TEAD4: variants seen among roughly 807,000 people sequenced by gnomAD.
TEAD4 encodes the protein TEA domain transcription factor 4.
A neutral mutation model predicts 52.4 loss-of-function variants in TEAD4; 36 were observed. The ratio of observed to expected loss-of-function variants is 0.69; its 90% confidence interval spans 0.53 to 0.91. The LOEUF (loss-of-function observed/expected upper bound fraction) is 0.91, where lower values mean the gene tolerates loss of function less well. TEAD4 is among the 40% of genes least tolerant of loss of function. TEAD4 has a pLI of 0.00. For missense variants in TEAD4, 508 were observed against 583.9 expected (o/e 0.87, Z 1.34); for synonymous variants, 220 against 231.0 (o/e 0.95, Z 0.43).
chr12:3,040,302 G>C lies in TEAD4; in HGVS notation c.1191+43G>C, dbSNP rs763877935. 3.1e-6 allele frequency: 5 copies of C among 1,613,966 alleles called. No homozygotes were observed. The Admixed American group carries it at 8.3e-5, about 27-fold the overall frequency. ...CGGGTGTGGCTGGAGTCTGTGTGTG[G>C]GTAGCAGCCATGGCATGCCCCTTCT... On this transcript the variant is annotated intron_variant, in intron 12 of 12. Transcript: ENST00000359864.
Position 3,020,781 on chromosome 12 carries a change from C to T in TEAD4, c.723+8C>T. The T allele has an allele frequency of 6.3e-7, 1 of 1,581,354 alleles. No homozygotes were observed. The highest frequency in any genetic ancestry group is 8.6e-7 in the Non-Finnish European group (1 of 1,162,542). ...CAGCAGGACCCGGACACGGTAGGTCCTGGCCTCTGCCTGTCCAGCTCCCTG... is the reference window on the plus strand; with the variant it reads ...CAGCAGGACCCGGACACGGTAGGTCTTGGCCTCTGCCTGTCCAGCTCCCTG... On this transcript the variant is annotated splice_region_variant and intron_variant, in intron 9 of 12. Transcript: ENST00000359864.
intron 2 of TEAD4, among the ~76,000 whole-genome samples, chr12:2,967,961 A>G (rs2098221766): frequency 6.6e-6 from 1 of 152,154 alleles, no homozygotes; most frequent in Admixed American, 6.6e-5. Context: ...CCCTCTGGCC[A>G]CATTGGAAGC....
intron 10 of TEAD4, among the ~76,000 whole-genome samples, chr12:3,026,337 A>G (rs2098272074): frequency 6.6e-6 from 1 of 152,224 alleles, no homozygotes; most frequent in Non-Finnish European, 1.5e-5. Context: ...TGCATATCAC[A>G]CAAACCCCAA....
chr12:2,971,155 G>A (rs929965235), intron 2 of TEAD4, among the ~76,000 whole-genome samples: 67 of 152,328 alleles, frequency 4.4e-4, no homozygotes, highest in African/African-American at 1.6e-3. Flanking sequence ...GCAGGGAAAT[G>A]GACTGTGAAG....
chr12:2,995,564 G>A (rs1168671546), intron 3 of TEAD4, among the ~76,000 whole-genome samples: 1 of 152,216 alleles, frequency 6.6e-6, no homozygotes, highest in Non-Finnish European at 1.5e-5. Flanking sequence ...CCCCAACCCA[G>A]CAGAGGGTCA....
chr12:3,020,055 A>G (rs984676065), intron 8 of TEAD4, among the ~76,000 whole-genome samples: 1 of 152,056 alleles, frequency 6.6e-6, no homozygotes, highest in Admixed American at 6.5e-5. Context: ...TGTTGCTTCC[A>G]GGTTTATGGT....
At chr12:2,964,532 A>G (rs966045938) in intron 2 of TEAD4, among the ~76,000 whole-genome samples, 6 of 149,670 alleles carry the variant, frequency 4.0e-5, no homozygotes, top group Non-Finnish European at 5.9e-5. Flanking sequence ...ATCTTGGCAC[A>G]CCACAACGTC....
chr12:2,998,947 G>A (rs1329627015), intron 3 of TEAD4, among the ~76,000 whole-genome samples: 1 of 152,146 alleles, frequency 6.6e-6, no homozygotes. Context: ...AGGTTCTGCT[G>A]GGATCCAGAC....
intron 2 of TEAD4, among the ~76,000 whole-genome samples, chr12:2,980,277 G>A (rs569292644): frequency 9.6e-4 from 146 of 152,266 alleles, no homozygotes; most frequent in African/African-American, 3.3e-3. Context: ...TGGGGTCCAT[G>A]CAACGAAAGA....
At chr12:2,986,043 G>A (rs572898403) in intron 2 of TEAD4, among the ~76,000 whole-genome samples, 14 of 151,994 alleles carry the variant, frequency 9.2e-5, no homozygotes, top group African/African-American at 2.9e-4. Context: ...CTGAGATCGC[G>A]TCACTGCATT....
intron 3 of TEAD4, among the ~76,000 whole-genome samples, chr12:2,997,813 G>C (rs909846653): frequency 6.6e-6 from 1 of 150,916 alleles, no homozygotes; most frequent in Non-Finnish European, 1.5e-5. Context: ...TTCGGGGGGG[G>C]GGTGTGTGTG....
chr12:3,000,116 T>A (rs573068287), intron 3 of TEAD4, among the ~76,000 whole-genome samples: 2 of 152,106 alleles, frequency 1.3e-5, no homozygotes, highest in Non-Finnish European at 2.9e-5. Context: ...CACAACTTCA[T>A]GGTCTAATGA....
At chr12:2,962,276 TTA>T (rs1165093041) in intron 2 of TEAD4, among the ~76,000 whole-genome samples, 2 of 102,714 alleles carry the variant, frequency 1.9e-5, no homozygotes, top group Non-Finnish European at 4.2e-5. Context: ...ATATATATAT[TTA>T]TATATATTTA....
intron 10 of TEAD4, among the ~76,000 whole-genome samples, chr12:3,023,981 T>C (rs1187347224): frequency 6.6e-6 from 1 of 152,180 alleles, no homozygotes; most frequent in Non-Finnish European, 1.5e-5. Flanking sequence ...TTCATTTCAT[T>C]ATGGTAGAAA....
intron 10 of TEAD4, among the ~76,000 whole-genome samples, chr12:3,034,367 C>T (rs1451616430): frequency 6.6e-6 from 1 of 152,206 alleles, no homozygotes; most frequent in African/African-American, 2.4e-5. Flanking sequence ...GAACAGCCGC[C>T]TGCAACCTTG....
intron 2 of TEAD4, among the ~76,000 whole-genome samples, chr12:2,986,248 G>A (rs1000900086): frequency 1.3e-5 from 2 of 152,124 alleles, no homozygotes; most frequent in Admixed American, 1.3e-4. Flanking sequence ...CATCTCCCAG[G>A]GTAACAGTGT....
intron 2 of TEAD4, among the ~76,000 whole-genome samples, chr12:2,972,491 CTTTTTTTTTTTTT>C (rs751852771): frequency 5.8e-5 from 2 of 34,750 alleles, no homozygotes; most frequent in African/African-American, 1.2e-4. Flanking sequence ...CAGCATGTCT[CTTTTTTTTTTTTT>C]TTTTTTTTTT....
At chr12:2,963,056 A>G (rs2098217154) in intron 2 of TEAD4, among the ~76,000 whole-genome samples, 1 of 152,174 alleles carries the variant, frequency 6.6e-6, no homozygotes, top group African/African-American at 2.4e-5. Flanking sequence ...GAAAGCACAT[A>G]GCTGTTCTGG....
Position 2,982,323 on chromosome 12 carries a change from C to A in TEAD4, c.-29-12415C>A, listed in dbSNP as rs140905533. Among the ~76,000 whole-genome samples the A allele has an allele frequency of 3.2e-3, 489 of 152,286 alleles. 1 individual carries two copies. Among genetic ancestry groups the A allele is most frequent in the African/African-American group, 0.011 (439 of 41,540 alleles). On this transcript the variant is annotated intron_variant, in intron 2 of 12. Coordinates refer to ENST00000359864, the MANE Select transcript of TEAD4 (RefSeq NM_003213.4). ...AGCAACCTGCTGTCTTCTGGGGTTGCCCTGGGGGCTACCCTGTAGCTTTTG... is the reference window on the plus strand; with the variant it reads ...AGCAACCTGCTGTCTTCTGGGGTTGACCTGGGGGCTACCCTGTAGCTTTTG...
Sources: gnomAD v4.1 joint callset for allele counts (sites outside exome capture counted in the v4.1 genomes callset) on GRCh38, gnomAD v4.1.1 for gene constraint, MANE v1.5 for transcripts, NCBI Gene and HGNC (gene_info 2026-07-23, HGNC 2026-07-21) for gene names.